Variants in TIMP3 observed in about 807,000 individuals in gnomAD.
TIMP3 encodes the protein metalloproteinase inhibitor 3.
Under a neutral mutation model 30.0 loss-of-function variants are expected in TIMP3, and 11 were observed. The observed-to-expected ratio is 0.37, with a 90% CI of 0.23 to 0.61. The LOEUF (loss-of-function observed/expected upper bound fraction) is 0.61, where lower values mean the gene tolerates loss of function less well. Among genes scored for constraint, TIMP3 ranks in the 20% least tolerant of loss-of-function variants. The probability of loss-of-function intolerance (pLI) is 0.70; values close to 1 mark genes in which losing one functional copy is unlikely to be tolerated. For synonymous variants in TIMP3, 112 were observed against 111.3 expected (o/e 1.01, Z -0.04); for missense variants, 181 against 276.8 (o/e 0.65, Z 2.45).
At chr22:32,847,469 A>G (rs920633117) in intron 1 of TIMP3, among the ~76,000 whole-genome samples, 11 of 152,214 alleles carry the variant, frequency 7.2e-5, no homozygotes, top group African/African-American at 2.7e-4. Context: ...CATCGCCGGC[A>G]GGGAAGGTCT....
At chr22:32,831,849 C>T (rs191929519) in intron 1 of TIMP3, among the ~76,000 whole-genome samples, 3 of 151,628 alleles carry the variant, frequency 2.0e-5, no homozygotes, top group South Asian at 2.1e-4. Flanking sequence ...GTCACTGCAC[C>T]CCCCCCAACC....
chr22:32,857,167 T>G (rs2048392502), intron 2 of TIMP3, 82 bp from the exon 3 acceptor site: 1 of 1,053,264 alleles, frequency 9.5e-7, no homozygotes, highest in Non-Finnish European at 1.5e-6. Context: ...TTCCTTTGGA[T>G]ACATACCCAG....
At chr22:32,835,940 GC>G (rs1233429838) in intron 1 of TIMP3, among the ~76,000 whole-genome samples, 1 of 152,210 alleles carries the variant, frequency 6.6e-6, no homozygotes, top group Non-Finnish European at 1.5e-5. Flanking sequence ...ACTTATACAA[GC>G]CCTTCTCTCA....
At chr22:32,833,999 T>C (rs1051961094) in intron 1 of TIMP3, among the ~76,000 whole-genome samples, 8 of 152,194 alleles carry the variant, frequency 5.3e-5, no homozygotes, top group Non-Finnish European at 1.2e-4. Context: ...TCTGTGTCAG[T>C]GTTTGACCAA....
chr22:32,807,004 T>C (rs1179828485), intron 1 of TIMP3, among the ~76,000 whole-genome samples: 1 of 151,868 alleles, frequency 6.6e-6, no homozygotes, highest in Non-Finnish European at 1.5e-5. Context: ...GTATTCTGCT[T>C]GTTTCCCATT....
At chr22:32,838,326 G>T (rs2047796488) in intron 1 of TIMP3, among the ~76,000 whole-genome samples, 1 of 152,190 alleles carries the variant, frequency 6.6e-6, no homozygotes, top group African/African-American at 2.4e-5. Flanking sequence ...TGGAGATGGG[G>T]CCTGGATAAA....
At chr22:32,805,027 G>A (rs112068157) in intron 1 of TIMP3, among the ~76,000 whole-genome samples, 3 of 4,958 alleles carry the variant, frequency 6.1e-4, no homozygotes, top group Non-Finnish European at 1.2e-3. Context: ...GCGTGTGTGC[G>A]TGTGTGTGTG....
At chr22:32,832,540 G>C (rs2047604485) in intron 1 of TIMP3, among the ~76,000 whole-genome samples, 2 of 148,522 alleles carry the variant, frequency 1.3e-5, no homozygotes, top group Non-Finnish European at 3.0e-5. Flanking sequence ...AATAAGCCTG[G>C]GTTTTTTTTT....
rs757613563 is a variant in TIMP3, at chr22:32,857,278, T to G, written c.234T>G (p.His78Gln). 1.2e-6 allele frequency: 2 copies of G among 1,614,086 alleles called. No individual in the cohort carries two copies. Among genetic ancestry groups the G allele is most frequent in the East Asian group, 4.5e-5 (2 of 44,868 alleles). The stretch of plus-strand genomic sequence containing the variant: ...ACCGAGGCTTCACCAAGATGCCCCA[T>G]GTGCAGTACATCCATACGGAAGCTT... ...KMYRGFTKMP[H>Q]VQYIHTEASE... is the part of the protein sequence containing the mutation. The change falls in exon 3 of 5, where the codon CAT (histidine) becomes CAG (glutamine). Residue 78 changes from histidine (H) to glutamine (Q), a missense_variant. His to Gln is a conservative substitution (Grantham distance 24). This residue lies in a region of TIMP3 where 63 missense variants were observed against 133.3 expected (regional missense o/e 0.47). Transcript: ENST00000266085.
intron 1 of TIMP3, among the ~76,000 whole-genome samples, chr22:32,823,915 T>A (rs2047328542): frequency 6.6e-6 from 1 of 152,112 alleles, no homozygotes; most frequent in Non-Finnish European, 1.5e-5. Flanking sequence ...CACCTATATG[T>A]CTAAGGGTCA....
At chr22:32,814,351 G>GGA (rs1569245527) in intron 1 of TIMP3, among the ~76,000 whole-genome samples, 15 of 14,580 alleles carry the variant, frequency 1.0e-3, no homozygotes, top group East Asian at 0.01. Context: ...GAAAGAAAGA[G>GGA]AGAAAGAAAG....
chr22:32,819,695 C>G (rs1381268284), intron 1 of TIMP3, among the ~76,000 whole-genome samples: 1 of 152,168 alleles, frequency 6.6e-6, no homozygotes. Context: ...TAAGCACACT[C>G]TAGGGGCCGC....
At chr22:32,848,988 T>A (rs1303751043) in intron 1 of TIMP3, among the ~76,000 whole-genome samples, 2 of 152,054 alleles carry the variant, frequency 1.3e-5, no homozygotes, top group Non-Finnish European at 2.9e-5. Flanking sequence ...CATGTCAAGA[T>A]GTGGTGAATT....
intron 1 of TIMP3, among the ~76,000 whole-genome samples, chr22:32,806,082 A>G (rs2046727294): frequency 6.6e-6 from 1 of 151,742 alleles, no homozygotes; most frequent in Non-Finnish European, 1.5e-5. Flanking sequence ...AGGAGAAGTA[A>G]GGTTAATAGA....
intron 1 of TIMP3, among the ~76,000 whole-genome samples, chr22:32,842,621 A>G (rs774649161): frequency 6.6e-6 from 1 of 152,232 alleles, no homozygotes; most frequent in Non-Finnish European, 1.5e-5. Flanking sequence ...AGGGTTACAA[A>G]GTACCTTTGT....
intron 1 of TIMP3, among the ~76,000 whole-genome samples, chr22:32,836,394 G>A (rs1391362292): frequency 1.3e-5 from 2 of 152,168 alleles, no homozygotes; most frequent in Non-Finnish European, 2.9e-5. Flanking sequence ...ACACTTCAAG[G>A]CCAGGGCAGG....
chr22:32,810,133 CA>C (rs1452036001), intron 1 of TIMP3, among the ~76,000 whole-genome samples: 1 of 152,190 alleles, frequency 6.6e-6, no homozygotes, highest in Non-Finnish European at 1.5e-5. Context: ...TACTGTTTGA[CA>C]GGAGGCCCAC....
chr22:32,813,533 ACACG>A (rs1293824590), intron 1 of TIMP3, among the ~76,000 whole-genome samples: 2 of 139,534 alleles, frequency 1.4e-5, no homozygotes, highest in Non-Finnish European at 3.1e-5. Flanking sequence ...ACACACACAC[ACACG>A]TGGACCAAAC....
intron 1 of TIMP3, among the ~76,000 whole-genome samples, chr22:32,821,077 G>A (rs986404548): frequency 1.3e-5 from 2 of 152,060 alleles, no homozygotes; most frequent in Non-Finnish European, 2.9e-5. Flanking sequence ...ATACCCACCG[G>A]TGCAATCTCC....
Sources: allele counts gnomAD v4.1 joint callset (sites outside exome capture counted in the v4.1 genomes callset), GRCh38; gene constraint gnomAD v4.1.1; regional missense constraint gnomAD v4.1.1; transcripts MANE v1.5; gene names NCBI Gene and HGNC (gene_info 2026-07-23, HGNC 2026-07-21).